The following SLC39A14 variants were observed in gnomAD, a reference collection of about 807,000 sequenced individuals.
SLC39A14 encodes metal cation symporter ZIP14.
Under a neutral mutation model 45.5 loss-of-function variants are expected in SLC39A14, and 19 were observed. The observed-to-expected ratio is 0.42, with a 90% CI of 0.29 to 0.61. The LOEUF is 0.61. Among genes scored for constraint, SLC39A14 ranks in the 20% least tolerant of loss-of-function variants. The pLI, the probability that SLC39A14 is intolerant of heterozygous loss-of-function variation, is 0.22. For synonymous variants in SLC39A14, 264 were observed against 251.3 expected (o/e 1.05, Z -0.48); for missense variants, 447 against 616.5 (o/e 0.73, Z 2.91).
chr8:22,395,239 A>G (rs1335563514), intron 1 of SLC39A14, among the ~76,000 whole-genome samples: 4 of 152,046 alleles, frequency 2.6e-5, no homozygotes, highest in Non-Finnish European at 5.9e-5. Context: ...TGAACTCCTG[A>G]CCTCAAGTGA....
chr8:22,410,235 T>G, intron 3 of SLC39A14: 1 of 1,010,732 alleles, frequency 9.9e-7, no homozygotes, highest in Admixed American at 2.0e-5. Context: ...GAAATGAACC[T>G]GTCCCTCGTA....
rs1563533838 is a variant in SLC39A14, at chr8:22,396,500, AGGG to A, written c.-15-8195_-15-8193del. ...GAGAGAGAGAGAGAGAGAGAGAGAG[AGGG>A]AGAGAGAGAGAGAGAGAGAGAGAGA... is the stretch of plus-strand genomic sequence containing the variant. On this transcript the variant is annotated intron_variant, in intron 1 of 8. Transcript: ENST00000381237. Among the ~76,000 whole-genome samples, 10 of 3,978 alleles carry A rather than the reference AGGG, an allele frequency of 2.5e-3. 4 individuals carry two copies. The highest frequency in any genetic ancestry group is 0.022 in the East Asian group (2 of 90). 2.6% of individuals were successfully genotyped at this position (3,978 alleles called of 152,430 possible). A position where few individuals can be genotyped will look rare whatever the true frequency, so the allele number is the denominator to read the frequency against.
chr8:22,400,826 A>G (rs565860887), intron 1 of SLC39A14, among the ~76,000 whole-genome samples: 5 of 152,192 alleles, frequency 3.3e-5, no homozygotes, highest in Non-Finnish European at 5.9e-5. Context: ...TGGCCACAGG[A>G]TATGCCTGAC....
At chr8:22,405,465 A>T (rs1347868451) in intron 2 of SLC39A14, among the ~76,000 whole-genome samples, 1 of 152,126 alleles carries the variant, frequency 6.6e-6, no homozygotes, top group East Asian at 1.9e-4. Flanking sequence ...GTGAGCCAAG[A>T]TCGAGCCATT....
chr8:22,371,414 CTTTTTTTTTT>C (rs373230777), intron 1 of SLC39A14, among the ~76,000 whole-genome samples: 2 of 120,048 alleles, frequency 1.7e-5, no homozygotes, highest in Non-Finnish European at 4.0e-5. Flanking sequence ...AAATACATGT[CTTTTTTTTTT>C]TTTTTTTTTT....
Position 22,415,942 on chromosome 8 carries a change from C to G in SLC39A14, c.924C>G (p.Gly308=). 1 of 1,605,664 alleles carries G rather than the reference C, an allele frequency of 6.2e-7. No individual in the cohort carries two copies. The highest frequency in any genetic ancestry group is 1.7e-4 in the Middle Eastern group (1 of 6,012). The part of the protein sequence containing the change: ...APMVDEKVIV[G]SLSVQDLQAS... ...TGGTGGACGAGAAGGTCATTGTGGG[C>G]TCGCTCTCTGTGCAGGTCAGTGGGC... Residue 308 remains glycine (G), a synonymous_variant, in exon 6 of 9, where the codon GGC becomes GGG. Coordinates refer to ENST00000381237, the MANE Select transcript of SLC39A14 (RefSeq NM_001128431.4).
chr8:22,385,900 G>A (rs910175245), intron 1 of SLC39A14, among the ~76,000 whole-genome samples: 9 of 152,036 alleles, frequency 5.9e-5, no homozygotes, highest in Non-Finnish European at 1.0e-4. Flanking sequence ...GACATTGGAG[G>A]GGTTGAAGCA....
chr8:22,414,243 C>G (rs1403234256), intron 4 of SLC39A14, among the ~76,000 whole-genome samples: 2 of 152,162 alleles, frequency 1.3e-5, no homozygotes, highest in Non-Finnish European at 2.9e-5. Context: ...CGCAATAACA[C>G]AGTCCACTTT....
At chr8:22,411,072 C>G (rs962684122) in intron 3 of SLC39A14, among the ~76,000 whole-genome samples, 1 of 152,230 alleles carries the variant, frequency 6.6e-6, no homozygotes. Context: ...CTGCATGGCT[C>G]TGACAAACAC....
At chr8:22,409,881 C>T (rs903012958) in intron 3 of SLC39A14, 4 of 1,569,446 alleles carry the variant, frequency 2.5e-6, no homozygotes, top group Non-Finnish European at 3.5e-6. Context: ...CAGGGCCGCC[C>T]CAGGCAGCAG....
chr8:22,379,264 CAA>C (rs1833372422), intron 1 of SLC39A14, among the ~76,000 whole-genome samples: 1 of 152,194 alleles, frequency 6.6e-6, no homozygotes, highest in South Asian at 2.1e-4. Flanking sequence ...ATTTTATCTG[CAA>C]AGTCTCTATT....
At chr8:22,410,106 C>T in intron 3 of SLC39A14, 1 of 1,614,170 alleles carries the variant, frequency 6.2e-7, no homozygotes, top group East Asian at 2.2e-5. Flanking sequence ...TATTCCAGCT[C>T]ATCCCAGAGG....
At chr8:22,433,570 G>T (rs1356632623) in intron 8 of SLC39A14, among the ~76,000 whole-genome samples, 2 of 143,962 alleles carry the variant, frequency 1.4e-5, no homozygotes, top group African/African-American at 2.6e-5. Context: ...TTGAGACAGG[G>T]TCTCACTCTG....
intron 1 of SLC39A14, among the ~76,000 whole-genome samples, chr8:22,394,099 G>C (rs190256066): frequency 2.7e-5 from 4 of 150,136 alleles, no homozygotes; most frequent in African/African-American, 9.9e-5. Flanking sequence ...CTCTGCCTCC[G>C]GGGTTCAAGT....
chr8:22,412,590 C>T (rs761218012), intron 4 of SLC39A14, among the ~76,000 whole-genome samples: 5 of 152,124 alleles, frequency 3.3e-5, no homozygotes, highest in Non-Finnish European at 7.4e-5. Context: ...TGCAGTGTAG[C>T]GAGCTCACTC....
In SLC39A14 at chr8:22,414,880, T is replaced by A. The variant is rs1381541348; in HGVS notation, c.728T>A (p.Ile243Asn). 6.2e-7 allele frequency: 1 copy of A among 1,613,004 alleles called. No homozygotes were observed. The highest frequency in any genetic ancestry group is 2.2e-5 in the East Asian group (1 of 44,886). Reference protein sequence around the residue: ...LFFFTEKILKILLKQKNEHHH... With the variant: ...LFFFTEKILKNLLKQKNEHHH... ...TTTTTCACAGAGAAGATCTTGAAGA[T>A]TCTTCTTAAGCAGAAAAATGAGGTG... Residue 243 changes from isoleucine (I) to asparagine (N), a missense_variant, in exon 5 of 9, where the codon ATT becomes AAT. Transcript: ENST00000381237.
chr8:22,414,581 C>T (rs754563454), intron 4 of SLC39A14, among the ~76,000 whole-genome samples, 199 bp from the exon 5 acceptor site: 24 of 152,094 alleles, frequency 1.6e-4, no homozygotes, highest in Middle Eastern at 3.2e-3. Context: ...TTGAGAAGAA[C>T]CTGGCAGGTT....
chr8:22,426,570 A>G (rs947515506), downstream of SLC39A14, among the ~76,000 whole-genome samples: 9 of 152,218 alleles, frequency 5.9e-5, no homozygotes, highest in African/African-American at 2.2e-4. Flanking sequence ...AACTCAGGCA[A>G]TAATCCACAC....
intron 1 of SLC39A14, among the ~76,000 whole-genome samples, chr8:22,386,708 T>G (rs909209772): frequency 6.6e-6 from 1 of 152,192 alleles, no homozygotes; most frequent in African/African-American, 2.4e-5. Context: ...GGTAAGAGAT[T>G]GTATTTTATT....
Sources: gnomAD v4.1 joint callset for allele counts (sites outside exome capture counted in the v4.1 genomes callset) on GRCh38, gnomAD v4.1.1 for gene constraint, MANE v1.5 for transcripts, NCBI Gene and HGNC (gene_info 2026-07-23, HGNC 2026-07-21) for gene names.